PIP5K1B: variants seen among roughly 807,000 people sequenced by gnomAD.
The protein encoded by PIP5K1B is phosphatidylinositol 4-phosphate 5-kinase type-1 beta.
In PIP5K1B, 42 loss-of-function variants were observed where a neutral mutation model predicts 67.0. That is an observed-to-expected ratio of 0.63 (90% CI 0.49 to 0.81). The LOEUF (loss-of-function observed/expected upper bound fraction) is 0.81, where lower values mean the gene tolerates loss of function less well. Ranked by LOEUF, PIP5K1B falls within the 30% of genes least tolerant of loss-of-function variation. The pLI, the probability that PIP5K1B is intolerant of heterozygous loss-of-function variation, is 0.00. For synonymous variants in PIP5K1B, 214 were observed against 231.4 expected (o/e 0.92, Z 0.68); for missense variants, 459 against 646.3 (o/e 0.71, Z 3.14).
chr9:68,837,258 T>C (rs1286831852), intron 4 of PIP5K1B, among the ~76,000 whole-genome samples: 1 of 152,232 alleles, frequency 6.6e-6, no homozygotes, highest in African/African-American at 2.4e-5. Flanking sequence ...AGGGGTTCTG[T>C]GCATTTTAGC....
At chr9:68,992,792 A>C (rs1477564132) in intron 15 of PIP5K1B, among the ~76,000 whole-genome samples, 1 of 140,826 alleles carries the variant, frequency 7.1e-6, no homozygotes, top group Non-Finnish European at 1.5e-5. Context: ...ATGAGCCGAG[A>C]TCATGCCACT....
chr9:68,841,109 G>A (rs988775425), intron 4 of PIP5K1B, among the ~76,000 whole-genome samples: 1 of 152,098 alleles, frequency 6.6e-6, no homozygotes, highest in Non-Finnish European at 1.5e-5. Context: ...TAAAATCGAT[G>A]TGCTCAATAA....
At chr9:68,984,383 C>T (rs1025695942) in intron 14 of PIP5K1B, among the ~76,000 whole-genome samples, 5 of 152,134 alleles carry the variant, frequency 3.3e-5, no homozygotes, top group Admixed American at 3.3e-4. Context: ...AAGTAACATG[C>T]CATTCTGTGC....
intron 1 of PIP5K1B, among the ~76,000 whole-genome samples, chr9:68,732,558 C>A (rs1056997242): frequency 5.9e-5 from 9 of 152,192 alleles, no homozygotes; most frequent in African/African-American, 2.2e-4. Context: ...TGACCACCTA[C>A]TGTTTGTGCA....
At chr9:68,891,565 T>C (rs553419859) in intron 7 of PIP5K1B, among the ~76,000 whole-genome samples, 4 of 151,952 alleles carry the variant, frequency 2.6e-5, no homozygotes, top group African/African-American at 9.6e-5. Flanking sequence ...CTAGAAACAA[T>C]AGGAATAGAC....
chr9:68,719,156 G>A (rs1827767141), intron 1 of PIP5K1B, among the ~76,000 whole-genome samples: 2 of 152,154 alleles, frequency 1.3e-5, no homozygotes, highest in African/African-American at 4.8e-5. Context: ...TTTTCAGGCT[G>A]TGATAGGCAT....
At chr9:68,834,216 C>T (rs913402722) in intron 4 of PIP5K1B, among the ~76,000 whole-genome samples, 1 of 152,222 alleles carries the variant, frequency 6.6e-6, no homozygotes, top group African/African-American at 2.4e-5. Context: ...TTGACCATCT[C>T]CTGCCATTAT....
At chr9:68,935,221 C>G (rs1293142894) in intron 13 of PIP5K1B, among the ~76,000 whole-genome samples, 176 bp downstream of exon 13, 1 of 152,182 alleles carries the variant, frequency 6.6e-6, no homozygotes, top group Non-Finnish European at 1.5e-5. Flanking sequence ...AATCCTTACA[C>G]TTTGGGAGGC....
At chr9:68,862,436 A>T (rs142343158) in intron 4 of PIP5K1B, among the ~76,000 whole-genome samples, 16 of 152,330 alleles carry the variant, frequency 1.1e-4, no homozygotes, top group Non-Finnish European at 2.4e-4. Context: ...TTCAGGGGAC[A>T]CTGCAATTAT....
chr9:68,764,124 A>G (rs1219190925), intron 2 of PIP5K1B, among the ~76,000 whole-genome samples: 2 of 111,736 alleles, frequency 1.8e-5, no homozygotes, highest in Non-Finnish European at 3.4e-5. Context: ...TTGTTTCAGC[A>G]TGCTTTCAGG....
At chr9:68,806,312 T>C (rs985777594) in intron 2 of PIP5K1B, among the ~76,000 whole-genome samples, 4 of 152,174 alleles carry the variant, frequency 2.6e-5, no homozygotes, top group African/African-American at 9.7e-5. Context: ...AGTCCCTGGC[T>C]TTGCTCAGGT....
At chr9:68,802,186 A>G (rs1027672090) in intron 2 of PIP5K1B, among the ~76,000 whole-genome samples, 1 of 152,242 alleles carries the variant, frequency 6.6e-6, no homozygotes, top group Non-Finnish European at 1.5e-5. Context: ...TATTCGAAAT[A>G]CTAAATTGAT....
chr9:68,880,281 G>T (rs763795378), intron 6 of PIP5K1B, among the ~76,000 whole-genome samples: 4 of 152,142 alleles, frequency 2.6e-5, no homozygotes, highest in African/African-American at 9.7e-5. Flanking sequence ...GGCCAACTGT[G>T]GTGGCTCACG....
At chr9:68,757,249 G>A (rs962716743) in intron 2 of PIP5K1B, among the ~76,000 whole-genome samples, 2 of 152,158 alleles carry the variant, frequency 1.3e-5, no homozygotes, top group South Asian at 4.1e-4. Context: ...AGTGGCTATA[G>A]TATTTGGCAG....
At chr9:68,813,224 G>A (rs916338540) in intron 2 of PIP5K1B, among the ~76,000 whole-genome samples, 1 of 152,198 alleles carries the variant, frequency 6.6e-6, no homozygotes, top group African/African-American at 2.4e-5. Flanking sequence ...CAAGGTAGGA[G>A]GAGATGAAGA....
intron 15 of PIP5K1B, among the ~76,000 whole-genome samples, chr9:69,005,903 A>G (rs1468747484): frequency 2.6e-5 from 4 of 150,986 alleles, no homozygotes; most frequent in Admixed American, 2.6e-4. Flanking sequence ...CTTTAGAGAC[A>G]GGGTCTCTCT....
At chr9:69,001,299 T>C (rs1441468794) in intron 15 of PIP5K1B, among the ~76,000 whole-genome samples, 1 of 152,090 alleles carries the variant, frequency 6.6e-6, no homozygotes, top group Admixed American at 6.5e-5. Flanking sequence ...CCAGTGGCGT[T>C]GTCCTCAGGC....
At chr9:68,781,648 A>C (rs1014504504) in intron 2 of PIP5K1B, 1 of 166,934 alleles carries the variant, frequency 6.0e-6, no homozygotes, top group Middle Eastern at 3.1e-3. Flanking sequence ...TAAGTATATA[A>C]AAGTAAACTT....
At chr9:68,754,909 T>C (rs1829846378) in intron 2 of PIP5K1B, among the ~76,000 whole-genome samples, 1 of 152,210 alleles carries the variant, frequency 6.6e-6, no homozygotes, top group African/African-American at 2.4e-5. Context: ...TAACATGTTA[T>C]CTATATGTGA....
Sources: gnomAD v4.1 joint callset for allele counts (sites outside exome capture counted in the v4.1 genomes callset) on GRCh38, gnomAD v4.1.1 for gene constraint, MANE v1.5 for transcripts, NCBI Gene and HGNC (gene_info 2026-07-23, HGNC 2026-07-21) for gene names.